Variants in CFAP61 observed in about 807,000 individuals in gnomAD.
The protein encoded by CFAP61 is cilia- and flagella-associated protein 61.
Under a neutral mutation model 135.6 loss-of-function variants are expected in CFAP61, and 107 were observed. That is an observed-to-expected ratio of 0.79 (90% confidence interval 0.67 to 0.93). The LOEUF (loss-of-function observed/expected upper bound fraction) is 0.93. CFAP61 is among the 40% of genes least tolerant of loss of function. CFAP61 has a pLI of 0.00. For missense variants in CFAP61, 1,507 were observed against 1,556.2 expected (o/e 0.97, Z 0.53); for synonymous variants, 575 against 578.5 (o/e 0.99, Z 0.09).
chr20:20,275,032 A>AAAGCAGG (rs5840878), intron 21 of CFAP61, among the ~76,000 whole-genome samples: 1 of 151,424 alleles, frequency 6.6e-6, no homozygotes, highest in Non-Finnish European at 1.5e-5. Context: ...GCTCATGGGC[A>AAAGCAGG]TGACCATGAC....
chr20:20,284,478 G>T (rs996093880), intron 22 of CFAP61, among the ~76,000 whole-genome samples: 1 of 151,850 alleles, frequency 6.6e-6, no homozygotes. Flanking sequence ...GTAGAGACGG[G>T]GTTTCACCGT....
At chr20:20,160,481 G>C (rs2053301850) in intron 10 of CFAP61, among the ~76,000 whole-genome samples, 1 of 152,160 alleles carries the variant, frequency 6.6e-6, no homozygotes, top group Admixed American at 6.5e-5. Flanking sequence ...CACTGAACCA[G>C]AGAACAAAGC....
intron 3 of CFAP61, among the ~76,000 whole-genome samples, chr20:20,074,087 A>C (rs1479726485): frequency 1.3e-5 from 2 of 152,114 alleles, no homozygotes; most frequent in African/African-American, 4.8e-5. Flanking sequence ...TGTTTCCTTA[A>C]ATAATTGTGA....
chr20:20,098,852 A>G (rs2047791495), intron 8 of CFAP61, 38 bp downstream of exon 8: 2 of 1,579,598 alleles, frequency 1.3e-6, no homozygotes, highest in Non-Finnish European at 1.7e-6. Flanking sequence ...GGGAAATTAA[A>G]TCTATGCTTT....
At position 20,185,875 on chromosome 20, in the gene CFAP61, AC is replaced by A. The variant is rs552942473; in HGVS notation, c.1386-2053del. Among the ~76,000 whole-genome samples the A allele has an allele frequency of 1.9e-3, 282 of 152,268 alleles. 1 individual carries two copies. Among genetic ancestry groups the A allele is most frequent in the African/African-American group, 6.6e-3 (274 of 41,536 alleles). On this transcript the variant is annotated intron_variant, in intron 13 of 26. Coordinates refer to ENST00000245957, the MANE Select transcript of CFAP61 (RefSeq NM_015585.4). ...AGTGAACTTTTATTATCAAATAAAG[AC>A]CTTTTTCTCATGATTTTTGCCTTAA... is the stretch of plus-strand genomic sequence containing the variant.
intron 15 of CFAP61, among the ~76,000 whole-genome samples, chr20:20,193,321 T>C (rs2146879321): frequency 6.6e-6 from 1 of 152,006 alleles, no homozygotes; most frequent in Middle Eastern, 3.4e-3. Context: ...AATTTTCTTC[T>C]CTTTCTATCT....
intron 26 of CFAP61, 21 bp from the exon 27 acceptor site, chr20:20,360,189 G>A (rs1261413624): frequency 6.3e-7 from 1 of 1,582,278 alleles, no homozygotes; most frequent in Non-Finnish European, 8.7e-7. Context: ...TCTGTATCTG[G>A]CCTCTTACTG....
chr20:20,302,107 T>G (rs575815591), intron 25 of CFAP61, among the ~76,000 whole-genome samples: 1 of 152,354 alleles, frequency 6.6e-6, no homozygotes. Flanking sequence ...ACAACTTTTG[T>G]TTGATATGAT....
intron 15 of CFAP61, among the ~76,000 whole-genome samples, chr20:20,194,031 T>C (rs1043846801): frequency 6.6e-6 from 1 of 152,218 alleles, no homozygotes; most frequent in Admixed American, 6.5e-5. Context: ...GTTTCTTTGC[T>C]CTCCTTCTTG....
In CFAP61 at chr20:20,177,993, C is replaced by G. The variant is rs141493976; in HGVS notation, c.1385+8533C>G. 7.2e-4 allele frequency among the ~76,000 whole-genome samples: 110 copies of G among 152,292 alleles called. 1 individual carries two copies. Among genetic ancestry groups the G allele is most frequent in the African/African-American group, 2.5e-3 (104 of 41,560 alleles). On this transcript the variant is annotated intron_variant, in intron 13 of 26. Transcript: ENST00000245957. ...ACATTTGGGATGAATTGTTTCTGCT[C>G]TTAAGTTTGGTTACTTTAAATTTCA...
intron 13 of CFAP61, among the ~76,000 whole-genome samples, chr20:20,181,276 T>TACACACAC (rs74180984): frequency 0.55 from 78,998 of 144,314 alleles, 22,560 homozygotes; most frequent in South Asian, 0.66. Flanking sequence ...TGTGTATGTA[T>TACACACAC]ACACACACAC....
rs569057593 is a variant in CFAP61 at position 20,215,317 on chromosome 20, C to G, written c.1933-12932C>G. On this transcript the variant is annotated intron_variant, in intron 17 of 26. Transcript: ENST00000245957. The stretch of plus-strand genomic sequence containing the variant: ...TTCCCACGCAGGTTTCTCTTTGTTT[C>G]TTTGAGTCAAAAATTATTCTTTGAT... 3 of 152,332 alleles carry G rather than the reference C, an allele frequency of 2.0e-5. No individual in the cohort carries two copies. In the East Asian group the frequency reaches 5.8e-4, roughly 29 times the overall value. 9.4% of individuals were successfully genotyped at this position (152,332 alleles called of 1,614,324 possible). A position where few individuals can be genotyped will look rare whatever the true frequency, so the allele number is the denominator to read the frequency against.
intron 25 of CFAP61, among the ~76,000 whole-genome samples, chr20:20,304,301 T>TGA (rs1195285709): frequency 2.4e-4 from 36 of 149,814 alleles, no homozygotes; most frequent in African/African-American, 7.8e-4. Context: ...TGTGTGTGTG[T>TGA]GTGAGAGAGA....
chr20:20,188,052 A>C lies in CFAP61; in HGVS notation c.1508A>C (p.Asp503Ala). 6.2e-7 allele frequency: 1 copy of C among 1,614,174 alleles called. No homozygotes were observed. The highest frequency in any genetic ancestry group is 8.5e-7 in the Non-Finnish European group (1 of 1,180,006). The change falls in exon 14 of 27, where the codon GAC becomes GCC. Residue 503 changes from aspartate to alanine, a missense_variant. Asp to Ala is a moderately radical substitution (Grantham distance 126, BLOSUM62 -2). Coordinates refer to ENST00000245957, the MANE Select transcript of CFAP61 (RefSeq NM_015585.4). ...DLDRYNKARK[D>A]PDGTLLQAFV... ...GACCGTTACAACAAGGCTCGCAAAG[A>C]CCCTGTAAGTACCTGTTGTGACCAG...
intron 24 of CFAP61, among the ~76,000 whole-genome samples, chr20:20,295,250 G>A (rs527754466): frequency 6.6e-6 from 1 of 152,296 alleles, no homozygotes; most frequent in African/African-American, 2.4e-5. Context: ...GAAGGTGGGG[G>A]ATTTAGTGAG....
intron 18 of CFAP61, among the ~76,000 whole-genome samples, chr20:20,244,569 T>C (rs2050287489): frequency 6.6e-6 from 1 of 152,210 alleles, no homozygotes; most frequent in South Asian, 2.1e-4. Flanking sequence ...ATGGGGACCC[T>C]GGGCTCAACC....
At chr20:20,063,899 A>C (rs955172473) in intron 2 of CFAP61, among the ~76,000 whole-genome samples, 1 of 152,254 alleles carries the variant, frequency 6.6e-6, no homozygotes. Context: ...CAATGAACAG[A>C]AAACATTTTT....
chr20:20,256,273 G>T (rs983587693), intron 20 of CFAP61, among the ~76,000 whole-genome samples: 2 of 152,208 alleles, frequency 1.3e-5, no homozygotes, highest in Non-Finnish European at 2.9e-5. Context: ...CTAAGTTTTA[G>T]TGTGAGTTTG....
intron 18 of CFAP61, among the ~76,000 whole-genome samples, chr20:20,238,047 A>C (rs139434622): frequency 3.3e-4 from 51 of 152,386 alleles, no homozygotes; most frequent in African/African-American, 1.1e-3. Context: ...TTTTTAAAAT[A>C]AACAAATTAA....
Sources: allele counts gnomAD v4.1 joint callset (sites outside exome capture counted in the v4.1 genomes callset), GRCh38; gene constraint gnomAD v4.1.1; transcripts MANE v1.5; gene names NCBI Gene and HGNC (gene_info 2026-07-23, HGNC 2026-07-21).